The following GPRIN3 variants were observed in gnomAD, a reference collection of about 807,000 sequenced individuals.
GPRIN3 encodes GPRIN family member 3, also known as G protein-regulated inducer of neurite outgrowth 3.
A neutral mutation model predicts 13.7 loss-of-function variants in GPRIN3; 12 were observed. That is an observed-to-expected ratio of 0.87 (90% CI 0.56 to 1.42). The LOEUF (loss-of-function observed/expected upper bound fraction) is 1.42. Ranked by LOEUF, GPRIN3 falls within the 40% of genes most tolerant of loss-of-function variation. The probability of loss-of-function intolerance (pLI) is 0.00; values close to 1 mark genes in which losing one functional copy is unlikely to be tolerated. For missense variants in GPRIN3, 1,009 were observed against 958.7 expected (o/e 1.05, Z -0.69); for synonymous variants, 377 against 372.7 (o/e 1.01, Z -0.13).
Position 89,249,815 on chromosome 4 carries a change from T to C in GPRIN3, c.296A>G (p.Asn99Ser), listed in dbSNP as rs1396757917. Residue 99 changes from asparagine to serine, a missense_variant, in exon 2 of 2, where the codon AAT (asparagine) becomes AGT (serine). Physicochemically the swap from Asn to Ser is conservative, Grantham distance 46. Transcript: ENST00000609438. ...CTGGCTGCTCCCTGGCAGCTGGGGA[T>C]TGCCGGGAGAGTTGAATGTGGCAGG... ...KAPATFNSPGNPQLPGSSQPA... is the reference protein window; with the variant it reads ...KAPATFNSPGSPQLPGSSQPA... The C allele has an allele frequency of 6.2e-7, 1 of 1,614,184 alleles. No individual in the cohort carries two copies. The highest frequency in any genetic ancestry group is 2.2e-5 in the East Asian group (1 of 44,882).
At chr4:89,261,498 C>G (rs565841685) in intron 1 of GPRIN3, among the ~76,000 whole-genome samples, 44 of 152,234 alleles carry the variant, frequency 2.9e-4, no homozygotes, top group African/African-American at 9.9e-4. Context: ...TTTCGGCTCT[C>G]AAGTCAAAGA....
chr4:89,284,635 C>T (rs566026723), intron 1 of GPRIN3, among the ~76,000 whole-genome samples: 1 of 152,192 alleles, frequency 6.6e-6, no homozygotes, highest in African/African-American at 2.4e-5. Context: ...GGTCTACCTT[C>T]CAAGTCCACT....
intron 1 of GPRIN3, among the ~76,000 whole-genome samples, chr4:89,268,176 T>C (rs1261679062): frequency 1.3e-5 from 2 of 152,206 alleles, no homozygotes; most frequent in East Asian, 3.8e-4. Flanking sequence ...AGTTTTAAAG[T>C]TGCTCTGATT....
At chr4:89,262,479 G>T (rs568049373) in intron 1 of GPRIN3, among the ~76,000 whole-genome samples, 1 of 152,218 alleles carries the variant, frequency 6.6e-6, no homozygotes, top group South Asian at 2.1e-4. Flanking sequence ...GTAAGGCCTG[G>T]TGCTCCTCAC....
chr4:89,289,891 A>G (rs966621866), intron 1 of GPRIN3, among the ~76,000 whole-genome samples: 1 of 152,070 alleles, frequency 6.6e-6, no homozygotes, highest in African/African-American at 2.4e-5. Context: ...TTAGACTGAA[A>G]AATGTTCAAA....
intron 1 of GPRIN3, among the ~76,000 whole-genome samples, chr4:89,302,879 A>G (rs544678351): frequency 6.6e-6 from 1 of 152,166 alleles, no homozygotes; most frequent in African/African-American, 2.4e-5. Context: ...AAAAAAAGCA[A>G]AGTTCCATAT....
intron 1 of GPRIN3, among the ~76,000 whole-genome samples, chr4:89,270,813 T>C (rs1053005759): frequency 1.3e-5 from 2 of 151,700 alleles, no homozygotes; most frequent in Non-Finnish European, 2.9e-5. Flanking sequence ...TAATTAGACA[T>C]ATTGCTAAGG....
At chr4:89,258,719 G>A (rs1038972177) in intron 1 of GPRIN3, among the ~76,000 whole-genome samples, 4 of 152,204 alleles carry the variant, frequency 2.6e-5, no homozygotes, top group South Asian at 2.1e-4. Flanking sequence ...AGAAAGGGGC[G>A]TGAGAGTCCT....
chr4:89,238,835 C>T lies in GPRIN3; in HGVS notation c.*8945G>A, dbSNP rs1322767049. ...TCAATAGCAGTGGAAACAATAATAACATCAACAAAAAACAGAATAAATTGT... is the reference window on the plus strand; with the variant it reads ...TCAATAGCAGTGGAAACAATAATAATATCAACAAAAAACAGAATAAATTGT... On this transcript the variant is annotated 3_prime_UTR_variant, in exon 2 of 2. Coordinates refer to ENST00000609438, the MANE Select transcript of GPRIN3 (RefSeq NM_198281.3). 6.6e-6 allele frequency: 1 copy of T among 152,020 alleles called. No individual in the cohort carries two copies. Among genetic ancestry groups the T allele is most frequent in the Non-Finnish European group, 1.5e-5 (1 of 68,006 alleles). The allele number at this position is 152,020 out of a possible 1,614,324, so 9.4% of individuals were successfully genotyped here. A position where few individuals can be genotyped will look rare whatever the true frequency, so the allele number is the denominator to read the frequency against.
chr4:89,293,145 C>G (rs1164373843), intron 1 of GPRIN3, among the ~76,000 whole-genome samples: 2 of 152,222 alleles, frequency 1.3e-5, no homozygotes, highest in African/African-American at 2.4e-5. Flanking sequence ...ACTTCTTAAA[C>G]ATAGTTCATG....
At chr4:89,274,464 T>C (rs1359368819) in intron 1 of GPRIN3, among the ~76,000 whole-genome samples, 3 of 152,160 alleles carry the variant, frequency 2.0e-5, no homozygotes, top group Non-Finnish European at 4.4e-5. Context: ...AAAAGATACT[T>C]GCCTTTTTGA....
intron 1 of GPRIN3, among the ~76,000 whole-genome samples, chr4:89,286,091 G>GTGTATA (rs1039903535): frequency 0.073 from 10,686 of 146,494 alleles, 424 homozygotes; most frequent in Admixed American, 0.08. Flanking sequence ...ATGTGTGTGT[G>GTGTATA]TATATATATA....
chr4:89,253,790 A>T (rs1723393311), intron 1 of GPRIN3, among the ~76,000 whole-genome samples: 1 of 152,202 alleles, frequency 6.6e-6, no homozygotes, highest in African/African-American at 2.4e-5. Flanking sequence ...AAATCTCTGT[A>T]TTTATGCATA....
intron 1 of GPRIN3, among the ~76,000 whole-genome samples, chr4:89,285,477 T>C (rs1724378299): frequency 6.6e-6 from 1 of 152,162 alleles, no homozygotes; most frequent in Admixed American, 6.5e-5. Context: ...AATGCCATGG[T>C]CTTTATTTGT....
intron 1 of GPRIN3, among the ~76,000 whole-genome samples, chr4:89,270,577 A>ATATTTATATATGTATATAATTTCTATC (rs1561205503): frequency 1.0e-5 from 1 of 99,168 alleles, no homozygotes; most frequent in African/African-American, 6.0e-5. Flanking sequence ...ATATATATAT[A>ATATTTATATATGTATATAATTTCTATC]TATATATATA....
intron 1 of GPRIN3, among the ~76,000 whole-genome samples, chr4:89,293,767 C>T (rs890836898): frequency 3.3e-5 from 5 of 152,164 alleles, no homozygotes; most frequent in Non-Finnish European, 7.3e-5. Context: ...CCAGATGTGA[C>T]GTGAAAGCGA....
At chr4:89,290,085 G>A (rs548541965) in intron 1 of GPRIN3, among the ~76,000 whole-genome samples, 82 of 151,186 alleles carry the variant, frequency 5.4e-4, no homozygotes, top group African/African-American at 1.9e-3. Flanking sequence ...CTCCAGCCTG[G>A]GCGACAGAGT....
At position 89,245,074 on chromosome 4, in the gene GPRIN3, C is replaced by G. The variant is rs550497434; in HGVS notation, c.*2706G>C. The stretch of plus-strand genomic sequence containing the variant: ...ATACTAAATGCCTAATGCTATGTCA[C>G]AGATTGAAGTGAAGGAAAATTCTCA... On this transcript the variant is annotated 3_prime_UTR_variant, in exon 2 of 2. Transcript: ENST00000609438. 11 of 152,282 alleles carry G rather than the reference C, an allele frequency of 7.2e-5. No homozygotes were observed. The East Asian group carries it at 2.1e-3, about 29-fold the overall frequency. 9.4% of individuals were successfully genotyped at this position (152,282 alleles called of 1,614,324 possible).
chr4:89,245,394 C>G lies in GPRIN3; in HGVS notation c.*2386G>C, dbSNP rs768464391. The G allele has an allele frequency of 6.6e-6, 1 of 152,186 alleles. No individual in the cohort carries two copies. The highest frequency in any genetic ancestry group is 1.5e-5 in the Non-Finnish European group (1 of 68,036). The allele number at this position is 152,186 out of a possible 1,614,324, so 9.4% of individuals were successfully genotyped here. A position where few individuals can be genotyped will look rare whatever the true frequency, so the allele number is the denominator to read the frequency against. On this transcript the variant is annotated 3_prime_UTR_variant, in exon 2 of 2. Coordinates refer to ENST00000609438, the MANE Select transcript of GPRIN3 (RefSeq NM_198281.3). ...CTTAAAGTTTTGATAGACATAACCA[C>G]AATAGCAAATCTAGCAATTTTAATG...
Sources: gnomAD v4.1 joint callset for allele counts (sites outside exome capture counted in the v4.1 genomes callset) on GRCh38, gnomAD v4.1.1 for gene constraint, MANE v1.5 for transcripts, NCBI Gene and HGNC (gene_info 2026-07-23, HGNC 2026-07-21) for gene names.